The following MAMDC4 variants were observed in gnomAD, a reference collection of about 807,000 sequenced individuals.
The protein encoded by MAMDC4 is apical endosomal glycoprotein.
A neutral mutation model predicts 153.3 loss-of-function variants in MAMDC4; 168 were observed. That is an observed-to-expected ratio of 1.10 (90% CI 0.97 to 1.25). The LOEUF is 1.25. Ranked by LOEUF, MAMDC4 falls within the 50% of genes most tolerant of loss-of-function variation. MAMDC4 has a pLI of 0.00. For missense variants in MAMDC4, 1,701 were observed against 1,542.8 expected, an observed-to-expected ratio of 1.10 and a Z score of -1.72; for synonymous variants, 744 against 651.5, an observed-to-expected ratio of 1.14 and a Z score of -2.16.
chr9:136,855,146 G>T (rs372648922), intron 10 of MAMDC4, 36 bp downstream of exon 10: 1 of 1,563,384 alleles, frequency 6.4e-7, no homozygotes, highest in South Asian at 1.2e-5. Context: ...CTGGGGAGCC[G>T]CACTGTGGGC....
rs932235363 is a variant in MAMDC4 at position 136,852,374 on chromosome 9, C to T, written c.-43C>T. ...GCAGGCTGATAACCGCACGGAACTTCCCAGGCACCCTGTGTGGCCGCACTG... is the reference window on the plus strand; with the variant it reads ...GCAGGCTGATAACCGCACGGAACTTTCCAGGCACCCTGTGTGGCCGCACTG... On this transcript the variant is annotated 5_prime_UTR_variant, in exon 1 of 27. Transcript: ENST00000317446. 2.5e-6 allele frequency: 4 copies of T among 1,605,352 alleles called. No homozygotes were observed. In the South Asian group the frequency reaches 4.4e-5, roughly 18 times the overall value.
At chr9:136,857,869 G>A in intron 19 of MAMDC4, 73 bp downstream of exon 19, 1 of 1,534,004 alleles carries the variant, frequency 6.5e-7, no homozygotes, top group Non-Finnish European at 8.7e-7. Context: ...GCCTTGTGCT[G>A]AGGCCACTGG....
chr9:136,855,741 A>C lies in MAMDC4; in HGVS notation c.1481A>C (p.Asp494Ala). ...GEDEQACGTT[D>A]FESPEAGGWE... ...CCGGCTGCTGTTCCAGGCACCACAG[A>C]CTTTGAGTCCCCCGAGGCTGGGGGC... is the stretch of plus-strand genomic sequence containing the variant. The change falls in exon 13 of 27, where the codon GAC becomes GCC. Residue 494 changes from aspartate (D) to alanine (A), a missense_variant. By Grantham distance (126) the Asp-to-Ala change is moderately radical. Transcript: ENST00000317446. 5.1e-6 allele frequency: 8 copies of C among 1,574,808 alleles called. No individual in the cohort carries two copies. The highest frequency in any genetic ancestry group is 6.0e-6 in the Non-Finnish European group (7 of 1,161,312).
chr9:136,858,907 G>T, intron 23 of MAMDC4, 54 bp downstream of exon 23: 1 of 1,569,474 alleles, frequency 6.4e-7, no homozygotes. Context: ...CAGGGGTCCA[G>T]GAGCAGAGGT....
At position 136,859,123 on chromosome 9, in the gene MAMDC4, GGA is replaced by G. The variant is rs1161119148; in HGVS notation, c.3077_3078del (p.Glu1026ValfsTer6). On this transcript the variant is annotated frameshift_variant, in exon 24 of 27. Transcript: ENST00000317446. LOFTEE classifies it high-confidence loss of function. ...EAQVEVASAK[E>X]FQIVFEATLG... is the part of the protein sequence containing the mutation. ...CCCAGGTGGAGGTAGCCAGTGCCAA[GGA>G]GTTCCAGGTGAGGCTGGCTGTGGGC... 6.4e-7 allele frequency: 1 copy of G among 1,565,536 alleles called. No homozygotes were observed. The highest frequency in any genetic ancestry group is 1.9e-5 in the Admixed American group (1 of 53,338).
At position 136,856,101 on chromosome 9, in the gene MAMDC4, C is replaced by A. The variant is rs775946088; in HGVS notation, c.1672C>A (p.Pro558Thr). 1.9e-6 allele frequency: 3 copies of A among 1,612,368 alleles called. No homozygotes were observed. Among genetic ancestry groups the A allele is most frequent in the Non-Finnish European group, 2.5e-6 (3 of 1,179,910 alleles). Residue 558 changes from proline (P) to threonine (T), a missense_variant, in exon 14 of 27, where the codon CCC (proline) becomes ACC (threonine). Pro to Thr is a conservative substitution (Grantham distance 38, BLOSUM62 -1). Transcript: ENST00000317446. ...VLTPLLGPSGPSCELHLAYYL... is the reference protein window; with the variant it reads ...VLTPLLGPSGTSCELHLAYYL... ...CACACCCCTCCTTGGCCCTTCTGGCCCCAGCTGTGAACTCCACCTGGCTTA... is the reference window on the plus strand; with the variant it reads ...CACACCCCTCCTTGGCCCTTCTGGCACCAGCTGTGAACTCCACCTGGCTTA...
intron 10 of MAMDC4, 43 bp from the exon 11 acceptor site, chr9:136,855,210 AG>A (rs2131234333): frequency 1.3e-6 from 2 of 1,577,430 alleles, no homozygotes; most frequent in Non-Finnish European, 1.7e-6. Flanking sequence ...ACCAGACCCC[AG>A]GGGGAAATAG....
At position 136,853,813 on chromosome 9, in the gene MAMDC4, C is replaced by T. The variant is rs1195167249; in HGVS notation, c.491C>T (p.Ala164Val). 2.5e-6 allele frequency: 4 copies of T among 1,612,030 alleles called. No homozygotes were observed. In the Admixed American group the frequency reaches 5.0e-5, roughly 20 times the overall value. ...CTGCGGGTGGAGCTGACCCATGGCGCAGAGACCCTGACCCTGTGGCAGAGC... is the reference window on the plus strand; with the variant it reads ...CTGCGGGTGGAGCTGACCCATGGCGTAGAGACCCTGACCCTGTGGCAGAGC... ...AELRVELTHG[A>V]ETLTLWQSTG... The change falls in exon 5 of 27, where the codon GCA becomes GTA. Residue 164 changes from alanine (A) to valine (V), a missense_variant. By Grantham distance (64) the Ala-to-Val change is moderately conservative. Coordinates refer to ENST00000317446, the MANE Select transcript of MAMDC4 (RefSeq NM_206920.3).
chr9:136,855,199 G>T (rs559397727), intron 10 of MAMDC4, 55 bp from the exon 11 acceptor site: 3 of 1,579,814 alleles, frequency 1.9e-6, no homozygotes, highest in African/African-American at 1.3e-5. Flanking sequence ...GGTGGACAGG[G>T]ACCAGACCCC....
rs61747973 is a variant in MAMDC4, at chr9:136,856,059, G to C, written c.1630G>C (p.Ala544Pro). 1.9e-6 allele frequency: 3 copies of C among 1,612,316 alleles called. No homozygotes were observed. The highest frequency in any genetic ancestry group is 1.7e-6 in the Non-Finnish European group (2 of 1,179,844). ...GCAGCGGGCCTGGGGGCAGCTAGGC[G>C]CTGAGGCCCGGGTCCTCACACCCCT... ...SLQRAWGQLG[A>P]EARVLTPLLG... The change falls in exon 14 of 27, where the codon GCT (alanine) becomes CCT (proline). Residue 544 changes from alanine (A) to proline (P), a missense_variant. Ala to Pro is a conservative substitution (Grantham distance 27). Coordinates refer to ENST00000317446, the MANE Select transcript of MAMDC4 (RefSeq NM_206920.3).
In MAMDC4 at chr9:136,855,478, CCCCAGCCCCTGCCG is replaced by C. The variant is rs779825529; in HGVS notation, c.1337_1350del (p.Pro446LeufsTer26). 1.2e-4 allele frequency: 197 copies of C among 1,605,562 alleles called. No homozygotes were observed. The highest frequency in any genetic ancestry group is 2.4e-4 in the Admixed American group (14 of 59,362). On this transcript the variant is annotated frameshift_variant, in exon 12 of 27. Transcript: ENST00000317446. LOFTEE classifies it high-confidence loss of function. ...GCCTCCTGGGCCCCGGGCCCCAGCC[CCCCAGCCCCTGCCG>C]CCCAGCTCGCGGCTCCAGGATTCCT...
chr9:136,858,722 A>G lies in MAMDC4; in HGVS notation c.2825A>G (p.His942Arg). 1 of 1,612,054 alleles carries G rather than the reference A, an allele frequency of 6.2e-7. No individual in the cohort carries two copies. Among genetic ancestry groups the G allele is most frequent in the Non-Finnish European group, 8.5e-7 (1 of 1,179,674 alleles). The change falls in exon 23 of 27, where the codon CAC becomes CGC. Residue 942 changes from histidine to arginine, a missense_variant. Coordinates refer to ENST00000317446, the MANE Select transcript of MAMDC4 (RefSeq NM_206920.3). ...VDHTLGTEAG[H>R]FAFFETGVLG... ...ATCAGCCTCCTCTTGTTCCCAGGCCACTTTGCCTTCTTTGAAACTGGCGTG... is the reference window on the plus strand; with the variant it reads ...ATCAGCCTCCTCTTGTTCCCAGGCCGCTTTGCCTTCTTTGAAACTGGCGTG...
At position 136,856,066 on chromosome 9, in the gene MAMDC4, C is replaced by T. The variant is rs756962696; in HGVS notation, c.1637C>T (p.Ala546Val). The T allele has an allele frequency of 6.8e-6, 11 of 1,612,458 alleles. No homozygotes were observed. The highest frequency in any genetic ancestry group is 3.3e-5 in the Admixed American group (2 of 60,022). Reference protein sequence around the residue: ...QRAWGQLGAEARVLTPLLGPS... With the variant: ...QRAWGQLGAEVRVLTPLLGPS... ...GCCTGGGGGCAGCTAGGCGCTGAGG[C>T]CCGGGTCCTCACACCCCTCCTTGGC... The change falls in exon 14 of 27, where the codon GCC becomes GTC. Residue 546 changes from alanine (A) to valine (V), a missense_variant. By Grantham distance (64) the Ala-to-Val change is moderately conservative. Transcript: ENST00000317446.
rs374267039 is a variant in MAMDC4, at chr9:136,859,063, C to T, written c.3015C>T (p.Gly1005=). ...CTCAGGGCCAGCTGGCTGTGTGGGG[C>T]GCAGGCGGGCATCGGCGGCACCAGT... The part of the protein sequence containing the change: ...HSAQGQLAVW[G]AGGHRRHQWL... The change falls in exon 24 of 27, where the codon GGC becomes GGT. Residue 1005 remains glycine, a synonymous_variant. Coordinates refer to ENST00000317446, the MANE Select transcript of MAMDC4 (RefSeq NM_206920.3). 67 of 1,556,294 alleles carry T rather than the reference C, an allele frequency of 4.3e-5. No individual in the cohort carries two copies. Among genetic ancestry groups the T allele is most frequent in the Non-Finnish European group, 5.5e-5 (63 of 1,149,578 alleles).
In MAMDC4 at chr9:136,859,098, C is replaced by G. The variant is rs745673409; in HGVS notation, c.3050C>G (p.Ala1017Gly). The change falls in exon 24 of 27, where the codon GCC becomes GGC. Residue 1017 changes from alanine to glycine, a missense_variant. Transcript: ENST00000317446. ...GGHRRHQWLE[A>G]QVEVASAKEF... ...CATCGGCGGCACCAGTGGCTGGAGG[C>G]CCAGGTGGAGGTAGCCAGTGCCAAG... The G allele has an allele frequency of 5.2e-6, 8 of 1,551,100 alleles. No homozygotes were observed. The highest frequency in any genetic ancestry group is 6.1e-6 in the Non-Finnish European group (7 of 1,147,634).
In MAMDC4 at chr9:136,858,534, G is replaced by A. The variant is rs1588394759; in HGVS notation, c.2809G>A (p.Gly937Ser). The A allele has an allele frequency of 6.3e-7, 1 of 1,582,952 alleles. No individual in the cohort carries two copies. Among genetic ancestry groups the A allele is most frequent in the East Asian group, 2.3e-5 (1 of 43,852 alleles). Reference protein sequence around the residue: ...YPQPPVDHTLGTEAGHFAFFE... With the variant: ...YPQPPVDHTLSTEAGHFAFFE... ...CCAGCCCCCTGTGGACCACACCCTGGGCACAGAGGCAGGTACGTGCCCACT... is the reference window on the plus strand; with the variant it reads ...CCAGCCCCCTGTGGACCACACCCTGAGCACAGAGGCAGGTACGTGCCCACT... The change falls in exon 22 of 27, where the codon GGC becomes AGC. Residue 937 changes from glycine to serine, a missense_variant. Coordinates refer to ENST00000317446, the MANE Select transcript of MAMDC4 (RefSeq NM_206920.3).
rs773469370 is a variant in MAMDC4, at chr9:136,855,271, G to A, written c.1215G>A (p.Gln405=). The stretch of plus-strand genomic sequence containing the variant: ...GCCCTCAGATCCTCCTGGCCGGGCA[G>A]ACAGGCCCGGGGGGCGTCGTGGGTC... ...AYPFQILLAG[Q]TGPGGVVGLD... is the part of the protein sequence containing the mutation. The change falls in exon 11 of 27, where the codon CAG becomes CAA. Residue 405 remains glutamine, a synonymous_variant. Transcript: ENST00000317446. The A allele has an allele frequency of 3.8e-6, 6 of 1,599,768 alleles. No homozygotes were observed. The highest frequency in any genetic ancestry group is 1.7e-4 in the Middle Eastern group (1 of 6,020).
In MAMDC4 at chr9:136,860,733, C is replaced by CG; in HGVS notation, c.*131dup. 1 of 960,760 alleles carries CG rather than the reference C, an allele frequency of 1.0e-6. No individual in the cohort carries two copies. Among genetic ancestry groups the CG allele is most frequent in the South Asian group, 1.4e-5 (1 of 70,462 alleles). The allele number at this position is 960,760 out of a possible 1,614,324, so 59.5% of individuals were successfully genotyped here. ...GTCTCAGGATATGCTGAGGCCTGGG[C>CG]GTTCCCTGCCCTGTGCTGACTCTGT... On this transcript the variant is annotated 3_prime_UTR_variant, in exon 27 of 27. Transcript: ENST00000317446.
intron 12 of MAMDC4, 47 bp downstream of exon 12, chr9:136,855,666 G>GC: frequency 6.4e-7 from 1 of 1,566,650 alleles, no homozygotes; most frequent in Non-Finnish European, 8.7e-7. Context: ...GGAGCCAAGG[G>GC]GGTAGGCGCC....
Sources: gnomAD v4.1 joint callset for allele counts on GRCh38, gnomAD v4.1.1 for gene constraint, MANE v1.5 for transcripts, NCBI Gene and HGNC (gene_info 2026-07-23, HGNC 2026-07-21) for gene names.